Variants in TRHDE observed in about 807,000 individuals in gnomAD.
TRHDE encodes thyrotropin-releasing hormone-degrading ectoenzyme.
In TRHDE, 72 loss-of-function variants were observed where a neutral mutation model predicts 125.7. The observed-to-expected ratio is 0.57, with a 90% CI of 0.47 to 0.70. The LOEUF is 0.70. Among genes scored for constraint, TRHDE ranks in the 30% least tolerant of loss-of-function variants. TRHDE has a pLI of 0.00. For missense variants in TRHDE, 1,110 were observed against 1,327.1 expected, an observed-to-expected ratio of 0.84 and a Z score of 2.54; for synonymous variants, 509 against 509.1, an observed-to-expected ratio of 1.00 and a Z score of 0.00.
intron 2 of TRHDE, among the ~76,000 whole-genome samples, chr12:72,178,006 A>G (rs1292748350): frequency 1.3e-5 from 2 of 152,134 alleles, no homozygotes; most frequent in African/African-American, 4.8e-5. Context: ...AAAAGTGTTA[A>G]ATAGTTTTTT....
intron 5 of TRHDE, among the ~76,000 whole-genome samples, chr12:72,481,735 C>T (rs933642779): frequency 1.3e-5 from 2 of 151,832 alleles, no homozygotes; most frequent in Non-Finnish European, 2.9e-5. Flanking sequence ...TGAGTGAGCT[C>T]CCTTTGAAAA....
intron 13 of TRHDE, 27 bp downstream of exon 13, chr12:72,619,065 A>G (rs1251582257): frequency 6.7e-7 from 1 of 1,487,056 alleles, no homozygotes; most frequent in Admixed American, 2.3e-5. Context: ...TTTCTTTCTA[A>G]TTTTTAGAAG....
intron 12 of TRHDE, among the ~76,000 whole-genome samples, chr12:72,592,255 A>G (rs924187970): frequency 4.6e-5 from 7 of 152,090 alleles, no homozygotes; most frequent in Non-Finnish European, 8.8e-5. Context: ...AAGTTTATCC[A>G]GTGAAACTGT....
intron 2 of TRHDE, among the ~76,000 whole-genome samples, chr12:72,312,977 C>G (rs1434135606): frequency 2.6e-5 from 4 of 152,000 alleles, no homozygotes; most frequent in Non-Finnish European, 5.9e-5. Flanking sequence ...CTTCCTCTCT[C>G]CCTCCCTTCC....
chr12:72,612,059 G>A (rs868329672), intron 12 of TRHDE, among the ~76,000 whole-genome samples: 1 of 152,140 alleles, frequency 6.6e-6, no homozygotes, highest in Non-Finnish European at 1.5e-5. Flanking sequence ...TTTTTCCTCA[G>A]CTAACTCCAC....
At chr12:72,131,065 ATTTTTTTT>A (rs757285511) in intron 2 of TRHDE, among the ~76,000 whole-genome samples, 4 of 105,472 alleles carry the variant, frequency 3.8e-5, no homozygotes, top group East Asian at 2.7e-4. Flanking sequence ...ACTTAATGTA[ATTTTTTTT>A]TTTTTTTTTT....
At chr12:72,431,746 G>A (rs1359943427) in intron 3 of TRHDE, 1 of 151,974 alleles carries the variant, frequency 6.6e-6, no homozygotes, top group African/African-American at 2.4e-5. Flanking sequence ...CCTGTTACAT[G>A]TTTTACATGG....
At chr12:72,221,669 A>G (rs1878003075) in intron 2 of TRHDE, among the ~76,000 whole-genome samples, 1 of 152,132 alleles carries the variant, frequency 6.6e-6, no homozygotes, top group Non-Finnish European at 1.5e-5. Flanking sequence ...GTGGCTTTTA[A>G]AAAGAACAAA....
intron 10 of TRHDE, among the ~76,000 whole-genome samples, chr12:72,571,279 TTC>T (rs1384111662): frequency 6.6e-6 from 1 of 152,172 alleles, no homozygotes; most frequent in African/African-American, 2.4e-5. Context: ...GAAGAAAAAA[TTC>T]TGTTAAATTC....
chr12:72,185,239 G>A (rs544254313), intron 2 of TRHDE, among the ~76,000 whole-genome samples: 3 of 152,220 alleles, frequency 2.0e-5, no homozygotes, highest in Non-Finnish European at 4.4e-5. Context: ...CCGGCCCACC[G>A]GGGCTGTGCT....
chr12:72,408,997 G>A (rs1399279097), intron 3 of TRHDE, among the ~76,000 whole-genome samples: 15 of 152,108 alleles, frequency 9.9e-5, no homozygotes, highest in Admixed American at 9.8e-4. Flanking sequence ...GGCTGCAAAT[G>A]TTCCTGAACA....
At chr12:72,109,432 AC>A (rs1875265819) in intron 2 of TRHDE, among the ~76,000 whole-genome samples, 1 of 152,092 alleles carries the variant, frequency 6.6e-6, no homozygotes, top group African/African-American at 2.4e-5. Context: ...AGAATACCTG[AC>A]TAAAAATATA....
At chr12:72,265,389 T>C (rs995956166) in intron 2 of TRHDE, among the ~76,000 whole-genome samples, 2 of 151,904 alleles carry the variant, frequency 1.3e-5, no homozygotes, top group Non-Finnish European at 2.9e-5. Context: ...GAAAAACATG[T>C]ACAGAGAGAG....
chr12:72,240,053 C>T (rs542412656), intron 2 of TRHDE, among the ~76,000 whole-genome samples: 11 of 152,134 alleles, frequency 7.2e-5, no homozygotes, highest in Admixed American at 1.3e-4. Context: ...TCTTGCAGTG[C>T]TCTGGAGTGT....
chr12:72,644,263 C>T (rs1455837511), intron 15 of TRHDE, among the ~76,000 whole-genome samples: 1 of 152,158 alleles, frequency 6.6e-6, no homozygotes, highest in Non-Finnish European at 1.5e-5. Flanking sequence ...AAAGAGAATT[C>T]CTCCTCCCGG....
intron 3 of TRHDE, among the ~76,000 whole-genome samples, chr12:72,442,191 T>A (rs1340924727): frequency 6.6e-6 from 1 of 151,892 alleles, no homozygotes; most frequent in African/African-American, 2.4e-5. Flanking sequence ...GACTTTTAAA[T>A]GTGATTAAGG....
At chr12:72,104,632 AT>A (rs1378832911) in intron 1 of TRHDE, among the ~76,000 whole-genome samples, 26 of 152,312 alleles carry the variant, frequency 1.7e-4, no homozygotes, top group African/African-American at 6.0e-4. Context: ...GTTGCTCTTC[AT>A]TGGTATATGG....
intron 2 of TRHDE, among the ~76,000 whole-genome samples, chr12:72,158,511 T>C (rs1170596849): frequency 6.6e-6 from 1 of 152,120 alleles, no homozygotes. Context: ...ATTATTTTTA[T>C]ATTAGAAACA....
intron 15 of TRHDE, among the ~76,000 whole-genome samples, chr12:72,642,938 C>T (rs943020866): frequency 6.6e-6 from 1 of 152,150 alleles, no homozygotes; most frequent in African/African-American, 2.4e-5. Flanking sequence ...CTAGAGCAAT[C>T]ATTTTGCTGA....
Sources: gnomAD v4.1 joint callset for allele counts (sites outside exome capture counted in the v4.1 genomes callset) on GRCh38, gnomAD v4.1.1 for gene constraint, MANE v1.5 for transcripts, NCBI Gene and HGNC (gene_info 2026-07-23, HGNC 2026-07-21) for gene names.